The following ATPSCKMT variants were observed in gnomAD, a reference collection of about 807,000 sequenced individuals.
ATPSCKMT encodes ATP synthase subunit C lysine N-methyltransferase.
In ATPSCKMT, 24 loss-of-function variants were observed where a neutral mutation model predicts 24.3. That is an observed-to-expected ratio of 0.99 (90% CI 0.71 to 1.39). The LOEUF (loss-of-function observed/expected upper bound fraction) is 1.39. Ranked by LOEUF, ATPSCKMT falls within the 40% of genes most tolerant of loss-of-function variation. ATPSCKMT has a pLI of 0.00. For synonymous variants in ATPSCKMT, 95 were observed against 110.5 expected, an observed-to-expected ratio of 0.86 and a Z score of 0.88; for missense variants, 311 against 298.4, an observed-to-expected ratio of 1.04 and a Z score of -0.31.
At chr5:10,233,414 A>G (rs539194832) in intron 4 of ATPSCKMT, among the ~76,000 whole-genome samples, 1 of 152,234 alleles carries the variant, frequency 6.6e-6, no homozygotes, top group Non-Finnish European at 1.5e-5. Context: ...CCAAATCTCT[A>G]TTACAGGGAA....
At chr5:10,240,070 CAA>C (rs35083577) in intron 1 of ATPSCKMT, among the ~76,000 whole-genome samples, 64,665 of 141,534 alleles carry the variant, frequency 0.46, 15,604 homozygotes, top group East Asian at 0.85. Context: ...ACTAAAAATA[CAA>C]AAAAAAAAAA....
rs1003061183 is a variant in ATPSCKMT at position 10,235,337 on chromosome 5, T to C, written c.445-76A>G. 12 of 1,296,576 alleles carry C rather than the reference T, an allele frequency of 9.3e-6. No homozygotes were observed. In the Admixed American group the frequency reaches 2.2e-4, roughly 24 times the overall value. 80.3% of individuals were successfully genotyped at this position (1,296,576 alleles called of 1,614,324 possible). A position where few individuals can be genotyped will look rare whatever the true frequency, so the allele number is the denominator to read the frequency against. On this transcript the variant is annotated intron_variant, in intron 3 of 4. Coordinates refer to ENST00000511437, the MANE Select transcript of ATPSCKMT (RefSeq NM_199133.4). ...TGAAGCTTAACTTGTTTTACAGAAATGGGTAGCAGTTTTCCATTTTACCAA... is the reference window on the plus strand; with the variant it reads ...TGAAGCTTAACTTGTTTTACAGAAACGGGTAGCAGTTTTCCATTTTACCAA...
At chr5:10,249,673 G>T in intron 1 of ATPSCKMT, 185 bp downstream of exon 1, 3 of 954,356 alleles carry the variant, frequency 3.1e-6, no homozygotes, top group Non-Finnish European at 4.5e-6. Flanking sequence ...AGGATCGCCA[G>T]AACCGGCGCG....
intron 1 of ATPSCKMT, among the ~76,000 whole-genome samples, chr5:10,239,885 C>A (rs1279941432): frequency 6.6e-6 from 1 of 151,036 alleles, no homozygotes; most frequent in South Asian, 2.1e-4. Flanking sequence ...TACCAAATAT[C>A]TTAAATAAGT....
intron 4 of ATPSCKMT, among the ~76,000 whole-genome samples, chr5:10,231,455 C>G (rs543138732): frequency 6.6e-6 from 1 of 152,194 alleles, no homozygotes; most frequent in African/African-American, 2.4e-5. Context: ...AAGGCTCCTG[C>G]CCTTCCAAGG....
In ATPSCKMT at chr5:10,227,571, G is replaced by C. The variant is rs1178509534; in HGVS notation, c.572C>G (p.Pro191Arg). The C allele has an allele frequency of 1.9e-6, 3 of 1,614,172 alleles. No homozygotes were observed. Among genetic ancestry groups the C allele is most frequent in the Non-Finnish European group, 2.5e-6 (3 of 1,180,040 alleles). Residue 191 changes from proline (P) to arginine (R), a missense_variant, in exon 5 of 5, where the codon CCA (proline) becomes CGA (arginine). By Grantham distance (103) the Pro-to-Arg change is moderately radical. Coordinates refer to ENST00000511437, the MANE Select transcript of ATPSCKMT (RefSeq NM_199133.4). ...ARVIACRFPF[P>R]HWTPDHVTGE... ...CGTGACGTGGTCTGGAGTCCAATGT[G>C]GGAAAGGGAACCGGCAAGCAATAAC...
intron 4 of ATPSCKMT, among the ~76,000 whole-genome samples, chr5:10,234,675 C>G (rs955230765): frequency 6.6e-6 from 1 of 152,184 alleles, no homozygotes; most frequent in African/African-American, 2.4e-5. Context: ...CTTCCAAAGG[C>G]TAAGGAGGGC....
At chr5:10,237,295 G>A (rs1172197598) in intron 2 of ATPSCKMT, among the ~76,000 whole-genome samples, 1 of 152,200 alleles carries the variant, frequency 6.6e-6, no homozygotes, top group Non-Finnish European at 1.5e-5. Context: ...AAGTACTACA[G>A]TGCTGCAAGA....
intron 1 of ATPSCKMT, among the ~76,000 whole-genome samples, chr5:10,240,351 T>A (rs1321567458): frequency 6.6e-6 from 1 of 152,266 alleles, no homozygotes; most frequent in African/African-American, 2.4e-5. Flanking sequence ...AATATCCTTT[T>A]GAGATTTGTC....
At chr5:10,237,658 T>C (rs998847315) in intron 2 of ATPSCKMT, among the ~76,000 whole-genome samples, 5 of 152,210 alleles carry the variant, frequency 3.3e-5, no homozygotes, top group African/African-American at 1.2e-4. Context: ...CCTCCCCAGC[T>C]GTGTAAAACC....
At chr5:10,232,165 C>T (rs1159186063) in intron 4 of ATPSCKMT, among the ~76,000 whole-genome samples, 2 of 152,064 alleles carry the variant, frequency 1.3e-5, no homozygotes, top group Non-Finnish European at 2.9e-5. Context: ...TCACGCTCTA[C>T]TGCACTGCAG....
chr5:10,230,839 T>C (rs1358484086), intron 4 of ATPSCKMT, among the ~76,000 whole-genome samples: 2 of 152,034 alleles, frequency 1.3e-5, no homozygotes, highest in Non-Finnish European at 2.9e-5. Context: ...TTGCCCCTAA[T>C]TTCCTAGACC....
At chr5:10,231,508 G>A (rs1374034183) in intron 4 of ATPSCKMT, among the ~76,000 whole-genome samples, 2 of 151,556 alleles carry the variant, frequency 1.3e-5, no homozygotes, top group African/African-American at 4.9e-5. Flanking sequence ...ACCTCCCCAC[G>A]CACACTCATG....
At position 10,227,160 on chromosome 5, in the gene ATPSCKMT, C is replaced by A. The variant is rs559155848; in HGVS notation, c.*281G>T. 68 of 425,056 alleles carry A rather than the reference C, an allele frequency of 1.6e-4. No homozygotes were observed. Among genetic ancestry groups the A allele is most frequent in the African/African-American group, 1.1e-3 (54 of 50,036 alleles). The allele number at this position is 425,056 out of a possible 1,614,324, so 26.3% of individuals were successfully genotyped here. On this transcript the variant is annotated 3_prime_UTR_variant, in exon 5 of 5. Coordinates refer to ENST00000511437, the MANE Select transcript of ATPSCKMT (RefSeq NM_199133.4). ...TTATAATGTGAAGAGCTATTGGCAT[C>A]TTATTTTCCTACCCATAACCATGAC...
At chr5:10,231,396 T>C (rs190212037) in intron 4 of ATPSCKMT, among the ~76,000 whole-genome samples, 114 of 152,270 alleles carry the variant, frequency 7.5e-4, no homozygotes, top group African/African-American at 2.7e-3. Flanking sequence ...CATGGCAGCC[T>C]GTGACCCTTC....
intron 2 of ATPSCKMT, among the ~76,000 whole-genome samples, chr5:10,238,023 G>T (rs1007377105): frequency 2.6e-5 from 4 of 152,218 alleles, no homozygotes; most frequent in African/African-American, 9.7e-5. Flanking sequence ...GGGATTACAG[G>T]CATGAGCCAC....
chr5:10,246,964 A>G (rs1166519821), intron 1 of ATPSCKMT, among the ~76,000 whole-genome samples: 1 of 152,218 alleles, frequency 6.6e-6, no homozygotes, highest in Non-Finnish European at 1.5e-5. Context: ...CAAAAGCAGC[A>G]AGCCTTGGAA....
chr5:10,245,880 A>G (rs1744897003), intron 1 of ATPSCKMT, among the ~76,000 whole-genome samples: 2 of 152,238 alleles, frequency 1.3e-5, no homozygotes, highest in African/African-American at 4.8e-5. Context: ...ATTATTCTCA[A>G]TACTATCATA....
chr5:10,232,783 C>T (rs1033033705), intron 4 of ATPSCKMT, among the ~76,000 whole-genome samples: 53 of 152,180 alleles, frequency 3.5e-4, no homozygotes, highest in African/African-American at 1.2e-3. Flanking sequence ...GCAGGGGCCC[C>T]TGCGCACCAG....
Sources: allele counts gnomAD v4.1 joint callset (sites outside exome capture counted in the v4.1 genomes callset), GRCh38; gene constraint gnomAD v4.1.1; transcripts MANE v1.5; gene names NCBI Gene and HGNC (gene_info 2026-07-23, HGNC 2026-07-21).